GLI2: variants seen among roughly 807,000 people sequenced by gnomAD.
GLI2 encodes GLI family zinc finger 2, also known as transcription activator GLI2.
GLI2 carries 22 observed loss-of-function variants against 78.9 expected under a neutral mutation model. The observed-to-expected ratio is 0.28, with a 90% CI of 0.20 to 0.40. GLI2 has a LOEUF of 0.40. GLI2 is among the 10% of genes least tolerant of loss of function. The pLI is 1.00. For synonymous variants in GLI2, 974 were observed against 963.7 expected, an observed-to-expected ratio of 1.01 and a Z score of -0.20; for missense variants, 2,097 against 2,213.2, an observed-to-expected ratio of 0.95 and a Z score of 1.05.
intron 2 of GLI2, among the ~76,000 whole-genome samples, chr2:120,843,615 C>T (rs915617736): frequency 1.3e-5 from 2 of 152,180 alleles, no homozygotes; most frequent in East Asian, 1.9e-4. Flanking sequence ...TGGGACTCTG[C>T]AGGTTCCACG....
chr2:120,851,143 A>G (rs527570718), intron 2 of GLI2, among the ~76,000 whole-genome samples: 1 of 152,348 alleles, frequency 6.6e-6, no homozygotes, highest in South Asian at 2.1e-4. Flanking sequence ...TTTTAAAAAA[A>G]GAAAAAGAAT....
intron 3 of GLI2, among the ~76,000 whole-genome samples, chr2:120,931,888 G>C (rs191123529): frequency 4.6e-5 from 7 of 152,296 alleles, no homozygotes; most frequent in Admixed American, 4.6e-4. Flanking sequence ...GGTGCTCCCA[G>C]AGCCCCCCGT....
chr2:120,807,733 A>G (rs185898331), intron 2 of GLI2, among the ~76,000 whole-genome samples: 2 of 152,274 alleles, frequency 1.3e-5, no homozygotes, highest in African/African-American at 4.8e-5. Flanking sequence ...ACAAGCTCAC[A>G]TCTGAGGCCG....
chr2:120,957,932 G>A (rs1681352579), intron 5 of GLI2, among the ~76,000 whole-genome samples: 1 of 152,230 alleles, frequency 6.6e-6, no homozygotes, highest in Non-Finnish European at 1.5e-5. Flanking sequence ...AGCACCATCT[G>A]CCCTTCCCTG....
At chr2:120,948,261 G>A (rs11885971) in intron 3 of GLI2, among the ~76,000 whole-genome samples, 15,410 of 152,212 alleles carry the variant, frequency 0.1, 2,499 homozygotes, top group African/African-American at 0.35. Flanking sequence ...ACCCTCCTGA[G>A]GGGCACACAG....
At chr2:120,881,734 TG>T (rs1677151638) in intron 2 of GLI2, among the ~76,000 whole-genome samples, 1 of 4,326 alleles carries the variant, frequency 2.3e-4, no homozygotes. Context: ...GGGAGGACAG[TG>T]CGGGGGAGAA....
chr2:120,754,212 G>C (rs1412988245), intron 1 of GLI2, among the ~76,000 whole-genome samples: 1 of 152,276 alleles, frequency 6.6e-6, no homozygotes, highest in Non-Finnish European at 1.5e-5. Flanking sequence ...CAACGTACGA[G>C]AGTGCTTATC....
intron 2 of GLI2, among the ~76,000 whole-genome samples, chr2:120,804,443 C>G (rs1162762421): frequency 6.6e-6 from 1 of 152,204 alleles, no homozygotes; most frequent in Non-Finnish European, 1.5e-5. Flanking sequence ...GGTCAGCTGT[C>G]TCTGGGTATA....
intron 9 of GLI2, among the ~76,000 whole-genome samples, chr2:120,976,861 A>G (rs1682478505): frequency 6.6e-6 from 1 of 152,188 alleles, no homozygotes. Flanking sequence ...CCCTGGAAAG[A>G]TGGATGGAGC....
intron 6 of GLI2, among the ~76,000 whole-genome samples, chr2:120,969,365 C>A (rs935487937): frequency 6.6e-6 from 1 of 152,202 alleles, no homozygotes; most frequent in Non-Finnish European, 1.5e-5. Context: ...CACCCTTCTC[C>A]CTTCTGTGCG....
rs942284746 is a variant in GLI2, at chr2:120,968,775, C to T, written c.705C>T (p.Ile235=). 1 of 1,613,702 alleles carries T rather than the reference C, an allele frequency of 6.2e-7. No homozygotes were observed. The highest frequency in any genetic ancestry group is 8.5e-7 in the Non-Finnish European group (1 of 1,179,924). The change falls in exon 6 of 14, where the codon ATC becomes ATT. Residue 235 remains isoleucine (I), a synonymous_variant. Transcript: ENST00000361492. ...PRLSRKRALS[I]SPLSDASLDL... is the part of the protein sequence containing the mutation. ...TGAGCCGCAAGCGGGCGCTGTCCATCTCCCCACTCTCAGACGCCAGCCTGG... is the reference window on the plus strand; with the variant it reads ...TGAGCCGCAAGCGGGCGCTGTCCATTTCCCCACTCTCAGACGCCAGCCTGG...
intron 1 of GLI2, among the ~76,000 whole-genome samples, chr2:120,785,126 C>G (rs1683959554): frequency 6.6e-6 from 1 of 152,124 alleles, no homozygotes; most frequent in Non-Finnish European, 1.5e-5. Context: ...GATCCGGGTC[C>G]CAGACACCTG....
intron 2 of GLI2, among the ~76,000 whole-genome samples, chr2:120,821,112 G>A (rs1003253124): frequency 2.0e-5 from 3 of 152,134 alleles, no homozygotes; most frequent in Admixed American, 1.3e-4. Context: ...CTGACTGGCA[G>A]CCTGTCTTGC....
chr2:120,856,762 G>C lies in GLI2; in HGVS notation c.148+59294G>C, dbSNP rs182122964. ...GCTTTCCTGGGCTGCTCTGTTGGCT[G>C]TCCCACTGCATTCCTCAGGGGCGTC... On this transcript the variant is annotated intron_variant, in intron 2 of 13. Coordinates refer to ENST00000361492, the MANE Select transcript of GLI2 (RefSeq NM_001374353.1). 5.5e-3 allele frequency among the ~76,000 whole-genome samples: 833 copies of C among 152,266 alleles called. 5 individuals are homozygous for C. The highest frequency in any genetic ancestry group is 7.7e-3 in the Non-Finnish European group (523 of 68,014).
chr2:120,983,309 T>C (rs1049862378), intron 11 of GLI2, among the ~76,000 whole-genome samples: 5 of 152,078 alleles, frequency 3.3e-5, no homozygotes, highest in African/African-American at 1.2e-4. Context: ...ATCCTCTAGA[T>C]GAGGAAACGA....
At chr2:120,806,367 TTGCCTC>T (rs1450527086) in intron 2 of GLI2, among the ~76,000 whole-genome samples, 1 of 152,160 alleles carries the variant, frequency 6.6e-6, no homozygotes, top group East Asian at 1.9e-4. Flanking sequence ...GACAGGGACG[TTGCCTC>T]TGCCTTCTAG....
At position 120,988,467 on chromosome 2, in the gene GLI2, C is replaced by T. The variant is rs765818439; in HGVS notation, c.2502C>T (p.Ser834=). Residue 834 remains serine (S), a synonymous_variant, in exon 14 of 14, where the codon TCC becomes TCT. Coordinates refer to ENST00000361492, the MANE Select transcript of GLI2 (RefSeq NM_001374353.1). ...CCGGCCGCCCGCACAACGCGAGCTCCGCTGACTCCTACGACCCCATCTCCA... is the reference window on the plus strand; with the variant it reads ...CCGGCCGCCCGCACAACGCGAGCTCTGCTGACTCCTACGACCCCATCTCCA... ...LGAGRPHNAS[S]ADSYDPISTD... The T allele has an allele frequency of 3.2e-5, 50 of 1,564,658 alleles. No homozygotes were observed. In the African/African-American group the frequency reaches 5.4e-4, roughly 17 times the overall value.
intron 8 of GLI2, among the ~76,000 whole-genome samples, chr2:120,974,270 T>G (rs772531546): frequency 6.6e-6 from 1 of 152,102 alleles, no homozygotes; most frequent in Non-Finnish European, 1.5e-5. Flanking sequence ...CCCAGGCAGG[T>G]ACCTCCTACC....
chr2:120,842,417 A>G (rs1357375256), intron 2 of GLI2, among the ~76,000 whole-genome samples: 62 of 152,046 alleles, frequency 4.1e-4, no homozygotes. Context: ...GCGCTTCTTC[A>G]TTTGTTTTTA....
Sources: allele counts gnomAD v4.1 joint callset (sites outside exome capture counted in the v4.1 genomes callset), GRCh38; gene constraint gnomAD v4.1.1; transcripts MANE v1.5; gene names NCBI Gene and HGNC (gene_info 2026-07-23, HGNC 2026-07-21).